POU2F2: variants seen among roughly 807,000 people sequenced by gnomAD.
POU2F2 encodes the protein POU class 2 homeobox 2.
POU2F2 carries 14 observed loss-of-function variants against 63.5 expected under a neutral mutation model. The ratio of observed to expected loss-of-function variants is 0.22; its 90% confidence interval spans 0.15 to 0.34. POU2F2 has a LOEUF of 0.34. Among genes scored for constraint, POU2F2 ranks in the 10% least tolerant of loss-of-function variants. POU2F2 has a pLI of 1.00. For synonymous variants in POU2F2, 306 were observed against 348.6 expected (o/e 0.88, Z 1.36); for missense variants, 607 against 815.2 (o/e 0.74, Z 3.11).
At chr19:42,140,398 C>T (rs1320703732) in intron 2 of POU2F2, among the ~76,000 whole-genome samples, 2 of 152,222 alleles carry the variant, frequency 1.3e-5, no homozygotes, top group African/African-American at 4.8e-5. Context: ...GTCCTGCTGC[C>T]CCCAGGACAA....
intron 1 of POU2F2, among the ~76,000 whole-genome samples, chr19:42,189,567 T>A (rs908146715): frequency 1.3e-5 from 2 of 152,190 alleles, no homozygotes; most frequent in African/African-American, 4.8e-5. Flanking sequence ...AATATCTTTC[T>A]TGCTTAAGTT....
At chr19:42,120,218 CTTT>C (rs60956281) in intron 4 of POU2F2, among the ~76,000 whole-genome samples, 7 of 139,080 alleles carry the variant, frequency 5.0e-5, no homozygotes, top group African/African-American at 5.4e-5. Context: ...GCCTAATCTC[CTTT>C]TTTTTTTTTT....
intron 1 of POU2F2, among the ~76,000 whole-genome samples, chr19:42,188,323 G>A (rs1242857724): frequency 6.6e-6 from 1 of 150,534 alleles, no homozygotes; most frequent in Middle Eastern, 3.2e-3. Flanking sequence ...CTGAAACGGT[G>A]CCACTGCACT....
chr19:42,188,650 G>C (rs2035040293), intron 1 of POU2F2, among the ~76,000 whole-genome samples: 1 of 142,930 alleles, frequency 7.0e-6, no homozygotes, highest in Admixed American at 7.1e-5. Context: ...CAGCCTGGGG[G>C]ACGAGAGAGA....
In POU2F2 at chr19:42,169,924, C is replaced by A. The variant is rs1245035093; in HGVS notation, c.-70+6039G>T. Among the ~76,000 whole-genome samples the A allele has an allele frequency of 6.6e-6, 1 of 151,996 alleles. No homozygotes were observed. The highest frequency in any genetic ancestry group is 1.5e-5 in the Non-Finnish European group (1 of 68,002). ...ATGTGCCTTGCAGATGGGGAGGGGGCCGGGGTGTCAGCGAGCTCCTGTGTC... is the reference window on the plus strand; with the variant it reads ...ATGTGCCTTGCAGATGGGGAGGGGGACGGGGTGTCAGCGAGCTCCTGTGTC... On this transcript the variant is annotated intron_variant, in intron 1 of 6. Coordinates refer to the POU2F2 transcript ENST00000524801. The surrounding 1 kb of genome is among the most constrained non-coding windows in gnomAD (Gnocchi z 4.3).
intron 2 of POU2F2, among the ~76,000 whole-genome samples, chr19:42,138,593 A>G (rs2034065305): frequency 6.6e-6 from 1 of 152,144 alleles, no homozygotes; most frequent in South Asian, 2.1e-4. Context: ...ACCGGCTGGT[A>G]GCATGGAATC....
chr19:42,122,673 A>G, intron 1 of POU2F2, 97 bp from the exon 2 acceptor site: 1 of 1,151,568 alleles, frequency 8.7e-7, no homozygotes, highest in Non-Finnish European at 1.2e-6. Context: ...CTTTCCCCCA[A>G]ATTCCCCCCT....
intron 1 of POU2F2, among the ~76,000 whole-genome samples, chr19:42,192,826 T>C (rs1282622753): frequency 6.6e-6 from 1 of 152,126 alleles, no homozygotes; most frequent in Non-Finnish European, 1.5e-5. Flanking sequence ...ATAGTATTGG[T>C]GACAATGTGA....
chr19:42,159,072 G>A (rs911232487), intron 2 of POU2F2, among the ~76,000 whole-genome samples: 4 of 152,324 alleles, frequency 2.6e-5, no homozygotes, highest in African/African-American at 9.6e-5. Context: ...CCTGGGAGAA[G>A]CTCTATACTG....
chr19:42,089,779 G>A lies in POU2F2; in HGVS notation c.*1478C>T, dbSNP rs2076657104. On this transcript the variant is annotated 3_prime_UTR_variant, in exon 15 of 15. Coordinates refer to ENST00000692977, the MANE Select transcript of POU2F2 (RefSeq NM_001394376.1). ...TTTTTCTAGTTTAAATTTATTGTTT[G>A]TTTGTTTCTGTTTTTTTGGTTTTCG... is the stretch of plus-strand genomic sequence containing the variant. The A allele has an allele frequency of 6.7e-6, 1 of 149,334 alleles. No homozygotes were observed. The highest frequency in any genetic ancestry group is 2.1e-4 in the South Asian group (1 of 4,718). 9.3% of individuals were successfully genotyped at this position (149,334 alleles called of 1,614,324 possible). A position where few individuals can be genotyped will look rare whatever the true frequency, so the allele number is the denominator to read the frequency against.
At chr19:42,125,841 C>T (rs996637983) in intron 1 of POU2F2, among the ~76,000 whole-genome samples, 2 of 152,188 alleles carry the variant, frequency 1.3e-5, no homozygotes, top group Admixed American at 6.5e-5. Context: ...TCACCCATGT[C>T]GAGCATCTCC....
intron 2 of POU2F2, among the ~76,000 whole-genome samples, chr19:42,142,341 C>T (rs2034145006): frequency 1.3e-5 from 2 of 152,104 alleles, no homozygotes; most frequent in Non-Finnish European, 2.9e-5. Context: ...CAGGCACGTG[C>T]CACCACACCA....
At position 42,122,197 on chromosome 19, in the gene POU2F2, TAGGAGC is replaced by T. The variant is rs1045158154; in HGVS notation, c.130-21_130-16del. On this transcript the variant is annotated splice_polypyrimidine_tract_variant and intron_variant, in intron 3 of 14. Coordinates refer to ENST00000692977, the MANE Select transcript of POU2F2 (RefSeq NM_001394376.1). ...TTTTGGGGGTTCTGCAAAGAGAAAG[TAGGAGC>T]AAGGGGATGGGAATAGTGCAGTGAA... The T allele has an allele frequency of 4.3e-5, 69 of 1,610,376 alleles. No homozygotes were observed. Among genetic ancestry groups the T allele is most frequent in the Non-Finnish European group, 5.7e-5 (67 of 1,177,566 alleles).
chr19:42,127,370 T>C (rs2033300829), intron 1 of POU2F2, among the ~76,000 whole-genome samples: 1 of 151,734 alleles, frequency 6.6e-6, no homozygotes, highest in Non-Finnish European at 1.5e-5. Context: ...GAACCCAGCA[T>C]AAGCTCTGTT....
At chr19:42,115,566 AGAC>A (rs1024226549) in intron 5 of POU2F2, among the ~76,000 whole-genome samples, 1 of 152,182 alleles carries the variant, frequency 6.6e-6, no homozygotes, top group Non-Finnish European at 1.5e-5. Flanking sequence ...AAAACCAGAC[AGAC>A]AACATGAATG....
At position 42,092,989 on chromosome 19, in the gene POU2F2, A is replaced by G. The variant is rs532837665; in HGVS notation, c.1265-719T>C. On this transcript the variant is annotated intron_variant, in intron 12 of 14. Coordinates refer to ENST00000692977, the MANE Select transcript of POU2F2 (RefSeq NM_001394376.1). The surrounding 1 kb of genome is among the most constrained non-coding windows in gnomAD (Gnocchi z 5.0). ...GCATATATATATTATGTGTGTGTGTATATATATATATATATATATATTTTT... is the reference window on the plus strand; with the variant it reads ...GCATATATATATTATGTGTGTGTGTGTATATATATATATATATATATTTTT... 5.8e-3 allele frequency among the ~76,000 whole-genome samples: 395 copies of G among 68,476 alleles called. 3 individuals are homozygous for G. Among genetic ancestry groups the G allele is most frequent in the African/African-American group, 0.028 (295 of 10,388 alleles). 44.9% of individuals were successfully genotyped at this position (68,476 alleles called of 152,430 possible). A position where few individuals can be genotyped will look rare whatever the true frequency, so the allele number is the denominator to read the frequency against.
intron 1 of POU2F2, chr19:42,160,527 G>A (rs373144750): frequency 1.3e-5 from 2 of 152,294 alleles, no homozygotes; most frequent in South Asian, 4.1e-4. Context: ...GTGGAGTCAG[G>A]TGCCTGGAAC....
At chr19:42,197,267 T>C (rs577725403), upstream of POU2F2, among the ~76,000 whole-genome samples, 64 of 152,312 alleles carry the variant, frequency 4.2e-4, no homozygotes, top group African/African-American at 1.5e-3. Flanking sequence ...TCTCAGTCCA[T>C]TTCACATCAA....
At chr19:42,130,597 C>A (rs1055375903) in intron 1 of POU2F2, among the ~76,000 whole-genome samples, 2 of 151,954 alleles carry the variant, frequency 1.3e-5, no homozygotes, top group African/African-American at 4.8e-5. Flanking sequence ...GAGCAGACAC[C>A]CTGGATCTCT....
Sources: gnomAD v4.1 joint callset for allele counts (sites outside exome capture counted in the v4.1 genomes callset) on GRCh38, gnomAD v4.1.1 for gene constraint, Gnocchi (gnomAD v3.1) non-coding constraint, MANE v1.5 for transcripts, NCBI Gene and HGNC (gene_info 2026-07-23, HGNC 2026-07-21) for gene names.